Variants in MINAR1 observed in about 807,000 individuals in gnomAD.
MINAR1 encodes the protein membrane integral NOTCH2 associated receptor 1.
A neutral mutation model predicts 65.1 loss-of-function variants in MINAR1; 40 were observed. That is an observed-to-expected ratio of 0.61 (90% CI 0.48 to 0.80). The LOEUF (loss-of-function observed/expected upper bound fraction) is 0.80, where lower values mean the gene tolerates loss of function less well. MINAR1 is among the 30% of genes least tolerant of loss of function. MINAR1 has a pLI of 0.00. For synonymous variants in MINAR1, 482 were observed against 449.1 expected (o/e 1.07, Z -0.93); for missense variants, 1,128 against 1,148.0 (o/e 0.98, Z 0.25).
Position 79,456,747 on chromosome 15 carries a change from G to A in MINAR1, c.600G>A (p.Pro200=), listed in dbSNP as rs576647485. The part of the protein sequence containing the change: ...ASLDRLQALA[P]YSVTSPQPCE... ...TGGACAGGTTGCAGGCCCTGGCTCCGTACTCTGTGACCAGCCCTCAGCCCT... is the reference window on the plus strand; with the variant it reads ...TGGACAGGTTGCAGGCCCTGGCTCCATACTCTGTGACCAGCCCTCAGCCCT... The change falls in exon 2 of 4, where the codon CCG becomes CCA. Residue 200 remains proline, a synonymous_variant. Coordinates refer to ENST00000305428, the MANE Select transcript of MINAR1 (RefSeq NM_015206.3). The A allele has an allele frequency of 5.1e-5, 82 of 1,614,156 alleles. No homozygotes were observed. Among genetic ancestry groups the A allele is most frequent in the Admixed American group, 3.0e-4 (18 of 60,018 alleles).
In MINAR1 at chr15:79,468,455, A is replaced by C; in HGVS notation, c.*71A>C. On this transcript the variant is annotated 3_prime_UTR_variant, in exon 4 of 4. Transcript: ENST00000305428. ...CGTCTGTATCTTAGAATCTTGCAGC[A>C]GTGAGGCAACAATTTGTTGAAATGG... The C allele has an allele frequency of 7.4e-7, 1 of 1,344,786 alleles. No homozygotes were observed. Among genetic ancestry groups the C allele is most frequent in the Non-Finnish European group, 1.0e-6 (1 of 969,726 alleles). The allele number at this position is 1,344,786 out of a possible 1,614,324, so 83.3% of individuals were successfully genotyped here. A position where few individuals can be genotyped will look rare whatever the true frequency, so the allele number is the denominator to read the frequency against.
chr15:79,443,782 G>A (rs1894936790), intron 1 of MINAR1, among the ~76,000 whole-genome samples: 1 of 152,088 alleles, frequency 6.6e-6, no homozygotes, highest in South Asian at 2.1e-4. Context: ...GTCTCCTTAT[G>A]AACCTATGTG....
chr15:79,468,694 G>GGGTTCTTTCCATTTTGATGAT lies in MINAR1; in HGVS notation c.*312_*332dup, dbSNP rs1201118758. The GGGTTCTTTCCATTTTGATGAT allele has an allele frequency of 3.0e-6, 1 of 334,530 alleles. No individual in the cohort carries two copies. The highest frequency in any genetic ancestry group is 5.5e-6 in the Non-Finnish European group (1 of 181,648). The allele number at this position is 334,530 out of a possible 1,614,324, so 20.7% of individuals were successfully genotyped here. A position where few individuals can be genotyped will look rare whatever the true frequency, so the allele number is the denominator to read the frequency against. ...CCAAGCCAAAAAAGGAAGATTAATT[G>GGGTTCTTTCCATTTTGATGAT]GGTTCTTTCCATTTTGATGATGTTT... On this transcript the variant is annotated 3_prime_UTR_variant, in exon 4 of 4. Transcript: ENST00000305428.
In MINAR1 at chr15:79,457,614, C is replaced by T; in HGVS notation, c.1467C>T (p.Asp489=). ...EHVLEPKKCR[D]LCTSGQGKYS... ...TGCTGGAGCCCAAGAAATGCAGAGA[C>T]CTGTGCACCTCTGGTCAGGGCAAGT... The change falls in exon 2 of 4, where the codon GAC becomes GAT. Residue 489 remains aspartate, a synonymous_variant. Coordinates refer to ENST00000305428, the MANE Select transcript of MINAR1 (RefSeq NM_015206.3). 6.2e-7 allele frequency: 1 copy of T among 1,614,222 alleles called. No homozygotes were observed. Among genetic ancestry groups the T allele is most frequent in the Non-Finnish European group, 8.5e-7 (1 of 1,180,044 alleles).
chr15:79,448,724 A>C (rs1278140630), intron 1 of MINAR1, among the ~76,000 whole-genome samples: 1 of 152,214 alleles, frequency 6.6e-6, no homozygotes, highest in Non-Finnish European at 1.5e-5. Flanking sequence ...AGTTTTGCTA[A>C]TCCAGTTCAA....
In MINAR1 at chr15:79,457,611, A is replaced by C; in HGVS notation, c.1464A>C (p.Arg488Ser). 1 of 1,614,226 alleles carries C rather than the reference A, an allele frequency of 6.2e-7. No homozygotes were observed. The change falls in exon 2 of 4, where the codon AGA becomes AGC. Residue 488 changes from arginine to serine, a missense_variant. Coordinates refer to ENST00000305428, the MANE Select transcript of MINAR1 (RefSeq NM_015206.3). ...ACGTGCTGGAGCCCAAGAAATGCAG[A>C]GACCTGTGCACCTCTGGTCAGGGCA... is the stretch of plus-strand genomic sequence containing the variant. ...TEHVLEPKKCRDLCTSGQGKY... is the reference protein window; with the variant it reads ...TEHVLEPKKCSDLCTSGQGKY...
At chr15:79,416,393 A>G in the MINAR1 span, 1 of 152,232 alleles carries the variant, frequency 6.6e-6, no homozygotes, top group South Asian at 2.1e-4. Flanking sequence ...TTGGCCAAAA[A>G]TATTGGCCAG....
chr15:79,423,863 C>T, the MINAR1 span: 1 of 152,224 alleles, frequency 6.6e-6, no homozygotes, highest in Non-Finnish European at 1.5e-5. Context: ...AGTCTCAGAA[C>T]ACATACCTGG....
Position 79,457,466 on chromosome 15 carries a change from T to C in MINAR1, c.1319T>C (p.Ile440Thr). 1 of 1,614,144 alleles carries C rather than the reference T, an allele frequency of 6.2e-7. No homozygotes were observed. Among genetic ancestry groups the C allele is most frequent in the Non-Finnish European group, 8.5e-7 (1 of 1,180,042 alleles). ...CAAAATGGGCTCAAATCTAAAGAGA[T>C]CTCATCCCCTGTTGACCTGGAGAAG... ...AKQNGLKSKE[I>T]SSPVDLEKHE... Residue 440 changes from isoleucine (I) to threonine (T), a missense_variant, in exon 2 of 4, where the codon ATC (isoleucine) becomes ACC (threonine). Physicochemically the swap from Ile to Thr is moderately conservative, Grantham distance 89. Coordinates refer to ENST00000305428, the MANE Select transcript of MINAR1 (RefSeq NM_015206.3).
At chr15:79,416,187 G>T in the MINAR1 span, 1 of 152,184 alleles carries the variant, frequency 6.6e-6, no homozygotes, top group South Asian at 2.1e-4. Flanking sequence ...CCGGAAACTT[G>T]TTTCTATCAT....
At chr15:79,452,483 G>C (rs1427020687) in intron 1 of MINAR1, among the ~76,000 whole-genome samples, 1 of 146,540 alleles carries the variant, frequency 6.8e-6, no homozygotes, top group African/African-American at 2.5e-5. Context: ...GCTGTGTGTG[G>C]ATTTGAGTCT....
In MINAR1 at chr15:79,471,906, T is replaced by A. The variant is rs1478517281; in HGVS notation, c.*3522T>A. 6.6e-6 allele frequency: 1 copy of A among 152,642 alleles called. No homozygotes were observed. The highest frequency in any genetic ancestry group is 1.5e-5 in the Non-Finnish European group (1 of 68,042). The allele number at this position is 152,642 out of a possible 1,614,324, so 9.5% of individuals were successfully genotyped here. On this transcript the variant is annotated 3_prime_UTR_variant, in exon 4 of 4. Coordinates refer to ENST00000305428, the MANE Select transcript of MINAR1 (RefSeq NM_015206.3). ...GTATACTGTACTATGAAAATTTGTA[T>A]TTAAAGGCAAAGATACAAGTAATTG...
At chr15:79,442,835 A>G (rs1894909796) in intron 1 of MINAR1, among the ~76,000 whole-genome samples, 1 of 152,176 alleles carries the variant, frequency 6.6e-6, no homozygotes, top group African/African-American at 2.4e-5. Flanking sequence ...AACCCAGTAG[A>G]CATCCATATA....
chr15:79,466,660 T>C (rs1270637230), intron 3 of MINAR1, among the ~76,000 whole-genome samples: 2 of 152,230 alleles, frequency 1.3e-5, no homozygotes, highest in African/African-American at 2.4e-5. Context: ...TAGACAACTA[T>C]GAGCAACAGG....
intron 1 of MINAR1, among the ~76,000 whole-genome samples, chr15:79,439,449 G>C (rs1567050707): frequency 6.6e-6 from 1 of 151,104 alleles, no homozygotes; most frequent in East Asian, 1.9e-4. Context: ...GTAGTGATGA[G>C]ATGTGGGTGG....
intron 1 of MINAR1, among the ~76,000 whole-genome samples, chr15:79,440,308 G>A (rs1035415560): frequency 1.3e-5 from 2 of 152,178 alleles, no homozygotes; most frequent in South Asian, 2.1e-4. Flanking sequence ...ACTGCACCTG[G>A]TAGCCTTCTC....
rs1249920047 is a variant in MINAR1, at chr15:79,457,162, T to C, written c.1015T>C (p.Tyr339His). Residue 339 changes from tyrosine to histidine, a missense_variant, in exon 2 of 4, where the codon TAT becomes CAT. Transcript: ENST00000305428. ...CTTAGATGACCTTCAAGCCTCTACATATTTTGGGCCCACTCCCGTGATGGG... is the reference window on the plus strand; with the variant it reads ...CTTAGATGACCTTCAAGCCTCTACACATTTTGGGCCCACTCCCGTGATGGG... ...ESLDDLQASTYFGPTPVMGTQ... is the reference protein window; with the variant it reads ...ESLDDLQASTHFGPTPVMGTQ... The C allele has an allele frequency of 6.2e-7, 1 of 1,614,076 alleles. No individual in the cohort carries two copies. Among genetic ancestry groups the C allele is most frequent in the Non-Finnish European group, 8.5e-7 (1 of 1,180,006 alleles).
At chr15:79,439,515 G>C (rs1894804170) in intron 1 of MINAR1, among the ~76,000 whole-genome samples, 1 of 151,666 alleles carries the variant, frequency 6.6e-6, no homozygotes, top group Non-Finnish European at 1.5e-5. Flanking sequence ...TGTTCTCTGT[G>C]TTGTGTGGGA....
intron 1 of MINAR1, among the ~76,000 whole-genome samples, chr15:79,454,882 C>A (rs931131765): frequency 4.0e-5 from 6 of 151,812 alleles, no homozygotes; most frequent in African/African-American, 1.5e-4. Context: ...GCCAGTGCAC[C>A]CTTAAGATTT....
Sources: allele counts gnomAD v4.1 joint callset (sites outside exome capture counted in the v4.1 genomes callset), GRCh38; gene constraint gnomAD v4.1.1; transcripts MANE v1.5; gene names NCBI Gene and HGNC (gene_info 2026-07-23, HGNC 2026-07-21).